ARHGAP44: variants seen among roughly 807,000 people sequenced by gnomAD.
The protein encoded by ARHGAP44 is rho GTPase-activating protein 44.
ARHGAP44 carries 43 observed loss-of-function variants against 106.8 expected under a neutral mutation model. The observed-to-expected ratio is 0.40, with a 90% confidence interval of 0.32 to 0.52. ARHGAP44 has a LOEUF of 0.52. ARHGAP44 is among the 20% of genes least tolerant of loss of function. The pLI, the probability that ARHGAP44 is intolerant of heterozygous loss-of-function variation, is 0.48. For missense variants in ARHGAP44, 866 were observed against 1,050.5 expected (o/e 0.82, Z 2.43); for synonymous variants, 439 against 410.3 (o/e 1.07, Z -0.85).
At chr17:12,905,058 C>A (rs936646180) in intron 3 of ARHGAP44, among the ~76,000 whole-genome samples, 1 of 149,778 alleles carries the variant, frequency 6.7e-6, no homozygotes, top group African/African-American at 2.5e-5. Flanking sequence ...CGTGCCACCA[C>A]ACTTGGCTAA....
chr17:12,912,233 A>T (rs1489009092), intron 4 of ARHGAP44, among the ~76,000 whole-genome samples: 1 of 152,240 alleles, frequency 6.6e-6, no homozygotes, highest in East Asian at 1.9e-4. Context: ...GGATGTTAAT[A>T]CAAAATATTT....
chr17:12,883,644 T>C (rs2036801752), intron 1 of ARHGAP44, among the ~76,000 whole-genome samples: 1 of 152,136 alleles, frequency 6.6e-6, no homozygotes, highest in African/African-American at 2.4e-5. Context: ...AGATCCCAGA[T>C]TTGTTTGCTG....
chr17:12,973,913 C>T (rs2039595055), intron 17 of ARHGAP44, 176 bp from the exon 18 acceptor site: 6 of 709,764 alleles, frequency 8.5e-6, no homozygotes, highest in South Asian at 1.8e-5. Flanking sequence ...TCTTGGCCGC[C>T]GGGAGCAGCC....
intron 3 of ARHGAP44, among the ~76,000 whole-genome samples, chr17:12,897,930 G>A (rs145230581): frequency 4.3e-4 from 66 of 152,056 alleles, no homozygotes; most frequent in African/African-American, 1.4e-3. Flanking sequence ...AGAGTCTTAC[G>A]TATTATATCA....
intron 1 of ARHGAP44, among the ~76,000 whole-genome samples, chr17:12,807,522 A>G (rs1597868468): frequency 6.6e-6 from 1 of 152,220 alleles, no homozygotes; most frequent in African/African-American, 2.4e-5. Flanking sequence ...CATGTCTTAC[A>G]TGGTGGCAGG....
At chr17:12,872,332 G>A (rs1028434448) in intron 1 of ARHGAP44, among the ~76,000 whole-genome samples, 1 of 151,960 alleles carries the variant, frequency 6.6e-6, no homozygotes, top group Non-Finnish European at 1.5e-5. Context: ...TGCTTTCTAA[G>A]CCTCCTGCAG....
intron 6 of ARHGAP44, among the ~76,000 whole-genome samples, chr17:12,921,250 A>T (rs1364673108): frequency 1.3e-5 from 2 of 152,048 alleles, no homozygotes; most frequent in Non-Finnish European, 2.9e-5. Flanking sequence ...TATTTTTAGT[A>T]TACACAGGGT....
At chr17:12,926,163 A>G (rs772332621) in intron 6 of ARHGAP44, among the ~76,000 whole-genome samples, 19 of 151,914 alleles carry the variant, frequency 1.3e-4, no homozygotes, top group Admixed American at 7.9e-4. Context: ...TCAGGAGTTC[A>G]AGACTAACCT....
intron 1 of ARHGAP44, among the ~76,000 whole-genome samples, chr17:12,825,249 G>A (rs1450498643): frequency 1.3e-5 from 2 of 151,978 alleles, no homozygotes; most frequent in East Asian, 1.9e-4. Context: ...TGTTGCCCAG[G>A]CTGGTCTCGA....
At chr17:12,894,876 G>T in intron 1 of ARHGAP44, 64 bp from the exon 2 acceptor site, 2 of 1,427,780 alleles carry the variant, frequency 1.4e-6, no homozygotes, top group East Asian at 2.5e-5. Flanking sequence ...GAAGAGATTA[G>T]GGAGTAATTA....
chr17:12,891,708 A>G (rs2037049741), intron 1 of ARHGAP44, among the ~76,000 whole-genome samples: 1 of 152,052 alleles, frequency 6.6e-6, no homozygotes, highest in African/African-American at 2.4e-5. Flanking sequence ...ATAACTTATC[A>G]TAGTCTGCTG....
chr17:12,792,029 G>A (rs2033776976), intron 1 of ARHGAP44, among the ~76,000 whole-genome samples: 1 of 152,174 alleles, frequency 6.6e-6, no homozygotes, highest in African/African-American at 2.4e-5. Context: ...TCCTTGGTTG[G>A]CCTTTTTTCT....
chr17:12,971,973 A>G (rs1019100032), intron 16 of ARHGAP44, among the ~76,000 whole-genome samples: 2 of 152,188 alleles, frequency 1.3e-5, no homozygotes, highest in Admixed American at 6.5e-5. Flanking sequence ...CCAAATCTCC[A>G]TACTTGAACT....
rs532378621 is a variant in ARHGAP44 at position 12,952,090 on chromosome 17, C to T, written c.1056-411C>T. Among the ~76,000 whole-genome samples the T allele has an allele frequency of 2.2e-4, 34 of 152,238 alleles. No individual in the cohort carries two copies. In the South Asian group the frequency reaches 5.2e-3, roughly 23 times the overall value. The stretch of plus-strand genomic sequence containing the variant: ...GATTACCAGGACAGTGCAAGATAGC[C>T]GGAAACTCAAAAAGGACACATCCTT... On this transcript the variant is annotated intron_variant, in intron 12 of 20. Transcript: ENST00000379672.
intron 17 of ARHGAP44, chr17:12,973,653 C>G (rs1413418891): frequency 4.1e-6 from 2 of 484,400 alleles, no homozygotes; most frequent in Admixed American, 3.8e-5. Context: ...CACGCTCCCC[C>G]CTTCGCTGCC....
chr17:12,934,709 A>G (rs2038494018), intron 7 of ARHGAP44, among the ~76,000 whole-genome samples: 1 of 152,128 alleles, frequency 6.6e-6, no homozygotes, highest in Non-Finnish European at 1.5e-5. Flanking sequence ...TTAGGATACT[A>G]TAATGGTGGA....
chr17:12,856,272 G>A (rs576196656), intron 1 of ARHGAP44, among the ~76,000 whole-genome samples: 1 of 152,062 alleles, frequency 6.6e-6, no homozygotes, highest in African/African-American at 2.4e-5. Flanking sequence ...CTAGTAAACT[G>A]TGCATCCTAC....
At chr17:12,984,280 A>G (rs1217848699) in intron 19 of ARHGAP44, among the ~76,000 whole-genome samples, 2 of 122,376 alleles carry the variant, frequency 1.6e-5, no homozygotes, top group African/African-American at 6.1e-5. Context: ...GAAATCCAGA[A>G]AAGAGGAGGA....
At chr17:12,973,854 C>T (rs2039591958) in intron 17 of ARHGAP44, 3 of 582,076 alleles carry the variant, frequency 5.2e-6, no homozygotes, top group South Asian at 4.1e-5. Context: ...CTGCTCCTTG[C>T]CTCAGTGAGG....
Sources: allele counts gnomAD v4.1 joint callset (sites outside exome capture counted in the v4.1 genomes callset), GRCh38; gene constraint gnomAD v4.1.1; transcripts MANE v1.5; gene names NCBI Gene and HGNC (gene_info 2026-07-23, HGNC 2026-07-21).